The following GUCY1A1 variants were observed in gnomAD, a reference collection of about 807,000 sequenced individuals.
GUCY1A1 encodes the protein guanylate cyclase soluble subunit alpha-1.
Under a neutral mutation model 64.5 loss-of-function variants are expected in GUCY1A1, and 48 were observed. That is an observed-to-expected ratio of 0.74 (90% CI 0.59 to 0.95). GUCY1A1 has a LOEUF of 0.95. Ranked by LOEUF, GUCY1A1 falls within the 40% of genes least tolerant of loss-of-function variation. GUCY1A1 has a pLI of 0.00. For missense variants in GUCY1A1, 804 were observed against 825.3 expected, an observed-to-expected ratio of 0.97 and a Z score of 0.32; for synonymous variants, 308 against 303.4, an observed-to-expected ratio of 1.02 and a Z score of -0.16.
chr4:155,681,997 C>T (rs977854155), intron 2 of GUCY1A1, among the ~76,000 whole-genome samples: 6 of 152,178 alleles, frequency 3.9e-5, no homozygotes, highest in African/African-American at 1.4e-4. Context: ...TTTCCATGAA[C>T]GGTGCTATAT....
chr4:155,667,944 G>T (rs537854680), intron 2 of GUCY1A1: 71 of 152,590 alleles, frequency 4.7e-4, no homozygotes, highest in Admixed American at 9.1e-4. Context: ...TAAGAGGCGC[G>T]TCCTCCTCCA....
chr4:155,728,072 T>G (rs540991379), intron 9 of GUCY1A1, among the ~76,000 whole-genome samples: 93 of 152,070 alleles, frequency 6.1e-4, no homozygotes, highest in Admixed American at 1.1e-3. Context: ...GGAAAATAGA[T>G]TCCCAGTGAA....
chr4:155,690,602 A>G (rs1729609431), intron 2 of GUCY1A1, among the ~76,000 whole-genome samples: 1 of 152,040 alleles, frequency 6.6e-6, no homozygotes, highest in Admixed American at 6.5e-5. Context: ...AACCTCATTC[A>G]TGCCTTTGCT....
chr4:155,707,835 C>CTTTT (rs145866986), intron 4 of GUCY1A1, among the ~76,000 whole-genome samples: 1 of 131,802 alleles, frequency 7.6e-6, no homozygotes, highest in Admixed American at 8.3e-5. Flanking sequence ...TTCTTTCTTT[C>CTTTT]TTTCTTTTTT....
chr4:155,677,784 G>A (rs940135384), intron 2 of GUCY1A1, among the ~76,000 whole-genome samples: 7 of 152,030 alleles, frequency 4.6e-5, no homozygotes, highest in Non-Finnish European at 1.5e-5. Flanking sequence ...CCTGGGAGGC[G>A]GAGGTTGCAG....
At chr4:155,676,300 G>GTT (rs10532055) in intron 2 of GUCY1A1, among the ~76,000 whole-genome samples, 18,698 of 140,406 alleles carry the variant, frequency 0.13, 1,512 homozygotes, top group Non-Finnish European at 0.15. Context: ...AGAAGAGCTG[G>GTT]TTTTTTTTTT....
intron 2 of GUCY1A1, among the ~76,000 whole-genome samples, chr4:155,671,175 T>C (rs185374461): frequency 2.6e-5 from 4 of 152,278 alleles, no homozygotes; most frequent in Admixed American, 2.6e-4. Context: ...AGCTATGGTC[T>C]TGGTGACAGA....
In GUCY1A1 at chr4:155,717,294, C is replaced by A; in HGVS notation, c.1708C>A (p.Pro570Thr). 1.3e-6 allele frequency: 2 copies of A among 1,582,456 alleles called. No homozygotes were observed. The highest frequency in any genetic ancestry group is 1.7e-6 in the Non-Finnish European group (2 of 1,162,176). ...SDEVMSPHGE[P>T]IKMRIGLHSG... Reference sequence around the variant, plus strand: ...TGAAGTTATGTCTCCCCATGGAGAACCTATCAAGGTAAGGCAGATGATATA... The same window carrying A: ...TGAAGTTATGTCTCCCCATGGAGAAACTATCAAGGTAAGGCAGATGATATA... Residue 570 changes from proline to threonine, a missense_variant, in exon 8 of 10, where the codon CCT becomes ACT. By Grantham distance (38) the Pro-to-Thr change is conservative. Coordinates refer to ENST00000506455, the MANE Select transcript of GUCY1A1 (RefSeq NM_001130682.3).
At chr4:155,712,649 G>A (rs1732724805) in intron 6 of GUCY1A1, among the ~76,000 whole-genome samples, 1 of 152,006 alleles carries the variant, frequency 6.6e-6, no homozygotes, top group African/African-American at 2.4e-5. Flanking sequence ...GGGAAGAGAA[G>A]AGAAACATGC....
At chr4:155,678,905 A>C (rs978643501) in intron 2 of GUCY1A1, among the ~76,000 whole-genome samples, 3 of 152,218 alleles carry the variant, frequency 2.0e-5, no homozygotes, top group Admixed American at 6.5e-5. Flanking sequence ...ATAACTAATA[A>C]TATTGAGCAT....
At chr4:155,706,525 T>A (rs947343127) in intron 4 of GUCY1A1, among the ~76,000 whole-genome samples, 1 of 151,002 alleles carries the variant, frequency 6.6e-6, no homozygotes, top group Non-Finnish European at 1.5e-5. Context: ...CCCTCCTCTT[T>A]TTTTTTTTTC....
chr4:155,669,279 C>A (rs1733794732), intron 2 of GUCY1A1, among the ~76,000 whole-genome samples: 1 of 151,884 alleles, frequency 6.6e-6, no homozygotes. Flanking sequence ...ATTGTAAGAT[C>A]TCTTTCTATT....
At chr4:155,688,689 A>G (rs1729333949) in intron 2 of GUCY1A1, among the ~76,000 whole-genome samples, 1 of 152,176 alleles carries the variant, frequency 6.6e-6, no homozygotes, top group Non-Finnish European at 1.5e-5. Flanking sequence ...GGAAAACCTC[A>G]TATGCTTCAA....
intron 3 of GUCY1A1, among the ~76,000 whole-genome samples, chr4:155,701,070 G>T (rs562543348): frequency 2.4e-4 from 37 of 152,210 alleles, no homozygotes; most frequent in African/African-American, 8.7e-4. Context: ...TCAGGGTCAG[G>T]ATATATCACA....
intron 4 of GUCY1A1, among the ~76,000 whole-genome samples, chr4:155,706,488 C>T (rs1662884382): frequency 6.6e-6 from 1 of 151,918 alleles, no homozygotes; most frequent in African/African-American, 2.4e-5. Context: ...CAATAAACTG[C>T]CCTTGAATGA....
Position 155,722,023 on chromosome 4 carries a change from A to T in GUCY1A1, c.1717-15A>T, listed in dbSNP as rs201402614. ...TACCAGTGACTGGGAACATCATGTTATTTTTTGCTTTCAGATGCGAATTGG... is the reference window on the plus strand; with the variant it reads ...TACCAGTGACTGGGAACATCATGTTTTTTTTTGCTTTCAGATGCGAATTGG... On this transcript the variant is annotated splice_polypyrimidine_tract_variant and intron_variant, in intron 8 of 9. Transcript: ENST00000506455. 2.5e-5 allele frequency: 39 copies of T among 1,570,368 alleles called. No homozygotes were observed. In the East Asian group the frequency reaches 8.5e-4, roughly 34 times the overall value.
intron 2 of GUCY1A1, among the ~76,000 whole-genome samples, chr4:155,690,339 A>AT (rs1044470564): frequency 3.3e-5 from 5 of 151,888 alleles, no homozygotes; most frequent in Admixed American, 6.6e-5. Flanking sequence ...CAATTGATTC[A>AT]TTTTTTCCCC....
intron 7 of GUCY1A1, 81 bp from the exon 8 acceptor site, chr4:155,717,078 T>A: frequency 3.0e-6 from 3 of 997,842 alleles, no homozygotes; most frequent in East Asian, 2.7e-5. Flanking sequence ...TTCTGCTATA[T>A]GACTTAATTT....
Position 155,713,331 on chromosome 4 carries a change from C to T in GUCY1A1, c.1320C>T (p.His440=). The change falls in exon 7 of 10, where the codon CAC becomes CAT. Residue 440 remains histidine (H), a synonymous_variant. Coordinates refer to ENST00000506455, the MANE Select transcript of GUCY1A1 (RefSeq NM_001130682.3). ...TGAAGGCTACCCTTGAGCAAGCCCA[C>T]CAAGCCCTGGAGGAGGAGAAGAAAA... ...GKLKATLEQA[H]QALEEEKKKT... is the part of the protein sequence containing the mutation. The T allele has an allele frequency of 6.2e-7, 1 of 1,614,178 alleles. No individual in the cohort carries two copies. The highest frequency in any genetic ancestry group is 8.5e-7 in the Non-Finnish European group (1 of 1,180,030).
Sources: gnomAD v4.1 joint callset for allele counts (sites outside exome capture counted in the v4.1 genomes callset) on GRCh38, gnomAD v4.1.1 for gene constraint, MANE v1.5 for transcripts, NCBI Gene and HGNC (gene_info 2026-07-23, HGNC 2026-07-21) for gene names.